The following CUX1 variants were observed in gnomAD, a reference collection of about 807,000 sequenced individuals.
CUX1 encodes the protein protein CASP.
Under a neutral mutation model 158.8 loss-of-function variants are expected in CUX1, and 31 were observed. The ratio of observed to expected loss-of-function variants is 0.20; its 90% CI spans 0.15 to 0.26. The LOEUF is 0.26. Ranked by LOEUF, CUX1 falls within the 10% of genes least tolerant of loss-of-function variation. The pLI is 1.00. For missense variants in CUX1, 1,589 were observed against 2,014.6 expected, an observed-to-expected ratio of 0.79 and a Z score of 4.04; for synonymous variants, 879 against 862.1, an observed-to-expected ratio of 1.02 and a Z score of -0.34.
intron 20 of CUX1, among the ~76,000 whole-genome samples, chr7:102,218,832 C>T (rs1245300421): frequency 6.6e-6 from 1 of 151,934 alleles, no homozygotes; most frequent in Non-Finnish European, 1.5e-5. Context: ...GCGGGAAGAT[C>T]ACTAGAGTCC....
chr7:101,996,186 G>C (rs1168811816), intron 2 of CUX1, among the ~76,000 whole-genome samples: 2 of 152,132 alleles, frequency 1.3e-5, no homozygotes, highest in Admixed American at 6.5e-5. Context: ...GACCTTCTGG[G>C]AGAGAGAACA....
At chr7:102,205,078 G>T (rs371321219) in intron 19 of CUX1, 36 bp from the exon 20 acceptor site, 1 of 1,478,850 alleles carries the variant, frequency 6.8e-7, no homozygotes, top group Non-Finnish European at 9.5e-7. Context: ...CCTGGGCCGC[G>T]TTCCTTCCTT....
intron 1 of CUX1, among the ~76,000 whole-genome samples, chr7:101,883,296 C>G (rs1039649668): frequency 6.6e-6 from 1 of 152,230 alleles, no homozygotes; most frequent in Non-Finnish European, 1.5e-5. Context: ...TCATCCCAAT[C>G]CTGCCAGTGA....
At chr7:102,278,629 T>C (rs1328432678) in intron 18 of CUX1, among the ~76,000 whole-genome samples, 1 of 41,606 alleles carries the variant, frequency 2.4e-5, no homozygotes, top group Admixed American at 2.9e-4. Flanking sequence ...AAAATAAAAT[T>C]AAAATAAAAT....
intron 2 of CUX1, among the ~76,000 whole-genome samples, chr7:101,917,602 A>G (rs1804369459): frequency 1.3e-5 from 2 of 152,146 alleles, no homozygotes; most frequent in African/African-American, 2.4e-5. Context: ...ACAGGAGGAA[A>G]AAAAGAGCTG....
chr7:102,071,769 C>T (rs768875106), intron 4 of CUX1, among the ~76,000 whole-genome samples: 18 of 152,176 alleles, frequency 1.2e-4, no homozygotes, highest in Non-Finnish European at 2.5e-4. Flanking sequence ...GAAAGCACTT[C>T]GGACAGGGAA....
intron 1 of CUX1, among the ~76,000 whole-genome samples, chr7:101,840,447 C>A (rs1329649121): frequency 6.6e-6 from 1 of 152,134 alleles, no homozygotes; most frequent in Non-Finnish European, 1.5e-5. Context: ...TATAAATAGG[C>A]GTTATCCTCT....
intron 14 of CUX1, among the ~76,000 whole-genome samples, chr7:102,266,335 G>A (rs529469471): frequency 1.2e-4 from 19 of 152,040 alleles, no homozygotes; most frequent in East Asian, 1.9e-4. Context: ...GGGTCAGGCC[G>A]GGAAGGGGGT....
rs1311491196 is a variant in CUX1, at chr7:102,250,433, GC to G, written c.*1393del. The stretch of plus-strand genomic sequence containing the variant: ...CCTCCCAGGGGAAGACACTCCCCAG[GC>G]CTGGGCAGGGCTTACACGCGCACTC... On this transcript the variant is annotated 3_prime_UTR_variant, in exon 24 of 24. Transcript: ENST00000292535. 1 of 985,502 alleles carries G rather than the reference GC, an allele frequency of 1.0e-6. No homozygotes were observed. The allele number at this position is 985,502 out of a possible 1,614,324, so 61.0% of individuals were successfully genotyped here. A position where few individuals can be genotyped will look rare whatever the true frequency, so the allele number is the denominator to read the frequency against.
chr7:101,899,423 A>G (rs1370821328), intron 1 of CUX1, among the ~76,000 whole-genome samples: 1 of 151,990 alleles, frequency 6.6e-6, no homozygotes, highest in Non-Finnish European at 1.5e-5. Flanking sequence ...GTGGTGGTGC[A>G]CTCTTGTGAT....
intron 3 of CUX1, among the ~76,000 whole-genome samples, chr7:102,059,631 CAA>C (rs747660590): frequency 2.7e-4 from 24 of 88,220 alleles, no homozygotes; most frequent in Non-Finnish European, 2.9e-4. Context: ...GACTTCATCT[CAA>C]AAAAAAAAAA....
intron 3 of CUX1, among the ~76,000 whole-genome samples, chr7:102,031,341 G>T (rs1293303489): frequency 6.6e-6 from 1 of 152,160 alleles, no homozygotes; most frequent in African/African-American, 2.4e-5. Flanking sequence ...GGGATTACAG[G>T]CATGAGCCAC....
intron 12 of CUX1, among the ~76,000 whole-genome samples, chr7:102,192,430 C>T (rs1554517244): frequency 6.6e-6 from 1 of 152,148 alleles, no homozygotes; most frequent in African/African-American, 2.4e-5. Flanking sequence ...AAGCGGATAG[C>T]AGGCTGCTGG....
In CUX1 at chr7:102,041,561, A is replaced by G. The variant is rs531914707; in HGVS notation, c.189+13416A>G. ...GAGCCACCATGCCCTTGCCTTATCCATCCTTCTAAATGCCAGATCCTCCAA... is the reference window on the plus strand; with the variant it reads ...GAGCCACCATGCCCTTGCCTTATCCGTCCTTCTAAATGCCAGATCCTCCAA... On this transcript the variant is annotated intron_variant, in intron 3 of 23. Transcript: ENST00000292535. Among the ~76,000 whole-genome samples, 3 of 151,692 alleles carry G rather than the reference A, an allele frequency of 2.0e-5. 1 individual carries two copies. In the South Asian group the frequency reaches 6.2e-4, roughly 32 times the overall value.
chr7:102,256,739 T>G lies in CUX1; in HGVS notation c.*7697T>G. The G allele has an allele frequency of 1.0e-6, 1 of 985,444 alleles. No homozygotes were observed. The highest frequency in any genetic ancestry group is 1.2e-6 in the Non-Finnish European group (1 of 829,936). 61.0% of individuals were successfully genotyped at this position (985,444 alleles called of 1,614,324 possible). A position where few individuals can be genotyped will look rare whatever the true frequency, so the allele number is the denominator to read the frequency against. Reference sequence around the variant, plus strand: ...AGCCTCCTAGAGCCTCTGGTAAGACTTCTGGGTTCATGAAGTTTCGGCGAG... The same window carrying G: ...AGCCTCCTAGAGCCTCTGGTAAGACGTCTGGGTTCATGAAGTTTCGGCGAG... On this transcript the variant is annotated 3_prime_UTR_variant, in exon 24 of 24. Coordinates refer to ENST00000292535, the MANE Select transcript of CUX1 (RefSeq NM_181552.4).
chr7:101,821,935 A>G (rs929595715), intron 1 of CUX1, among the ~76,000 whole-genome samples: 1 of 148,570 alleles, frequency 6.7e-6, no homozygotes, highest in Admixed American at 6.7e-5. Context: ...GCTCACTGCA[A>G]GCTGAGCCTC....
chr7:101,994,138 A>C (rs1815511305), intron 2 of CUX1, among the ~76,000 whole-genome samples: 1 of 152,036 alleles, frequency 6.6e-6, no homozygotes, highest in Admixed American at 6.6e-5. Context: ...CCTCATCCAC[A>C]CATTACCAAG....
chr7:101,983,699 G>A (rs963049430), intron 2 of CUX1, among the ~76,000 whole-genome samples: 1 of 152,078 alleles, frequency 6.6e-6, no homozygotes, highest in African/African-American at 2.4e-5. Flanking sequence ...AGAGTGAGAA[G>A]GGGGAGGTCC....
intron 7 of CUX1, among the ~76,000 whole-genome samples, chr7:102,113,261 C>T (rs747978641): frequency 6.6e-5 from 10 of 152,168 alleles, no homozygotes; most frequent in Admixed American, 2.0e-4. Flanking sequence ...ATTTTTGAGA[C>T]GGAGTCTTGC....
Sources: gnomAD v4.1 joint callset for allele counts (sites outside exome capture counted in the v4.1 genomes callset) on GRCh38, gnomAD v4.1.1 for gene constraint, MANE v1.5 for transcripts, NCBI Gene and HGNC (gene_info 2026-07-23, HGNC 2026-07-21) for gene names.